Variants in CTIF observed in about 807,000 individuals in gnomAD.
The protein encoded by CTIF is cap binding complex dependent translation initiation factor, also known as CBP80/20-dependent translation initiation factor.
CTIF carries 21 observed loss-of-function variants against 66.0 expected under a neutral mutation model. That is an observed-to-expected ratio of 0.32 (90% CI 0.23 to 0.46). The LOEUF is 0.46. Ranked by LOEUF, CTIF falls within the 20% of genes least tolerant of loss-of-function variation. The probability of loss-of-function intolerance (pLI) is 1.00; values close to 1 mark genes in which losing one functional copy is unlikely to be tolerated. For synonymous variants in CTIF, 345 were observed against 326.4 expected, an observed-to-expected ratio of 1.06 and a Z score of -0.62; for missense variants, 739 against 812.7, an observed-to-expected ratio of 0.91 and a Z score of 1.10.
At chr18:48,820,717 C>A (rs2068465079) in intron 10 of CTIF, among the ~76,000 whole-genome samples, 1 of 152,194 alleles carries the variant, frequency 6.6e-6, no homozygotes, top group Non-Finnish European at 1.5e-5. Flanking sequence ...CTCACTCCAT[C>A]CCCTGCGTCT....
intron 3 of CTIF, among the ~76,000 whole-genome samples, chr18:48,655,127 AAATAAT>A (rs536589724): frequency 8.9e-4 from 135 of 151,842 alleles, no homozygotes; most frequent in South Asian, 4.4e-3. Flanking sequence ...TATAATTTAA[AAATAAT>A]AATAATAATA....
rs776992974 is a variant in CTIF, at chr18:48,711,685, A to AATGATCGAAGGTAGG, written c.576_584+6dup. The AATGATCGAAGGTAGG allele has an allele frequency of 6.2e-7, 1 of 1,614,010 alleles. No homozygotes were observed. Among genetic ancestry groups the AATGATCGAAGGTAGG allele is most frequent in the East Asian group, 2.2e-5 (1 of 44,882 alleles). ...CAAGAAGCTGTTCCGCAGGAGGAGA[A>AATGATCGAAGGTAGG]ATGATCGAAGGTAGGAGAGACTTCG... On this transcript the variant is annotated stop_gained and inframe_insertion, in exon 7 of 12. Coordinates refer to ENST00000256413, the MANE Select transcript of CTIF (RefSeq NM_014772.3). LOFTEE classifies it high-confidence loss of function.
intron 7 of CTIF, among the ~76,000 whole-genome samples, chr18:48,747,122 T>A (rs8094458): frequency 6.6e-6 from 1 of 152,048 alleles, no homozygotes; most frequent in African/African-American, 2.4e-5. Context: ...GATTTTAGGA[T>A]TGCAAAGGAA....
At position 48,806,866 on chromosome 18, in the gene CTIF, G is replaced by A. The variant is rs561469597; in HGVS notation, c.1372-10355G>A. On this transcript the variant is annotated intron_variant, in intron 9 of 11. Coordinates refer to ENST00000256413, the MANE Select transcript of CTIF (RefSeq NM_014772.3). ...TGGCCGGTGCAGGAAATAGCAGTAC[G>A]TCAATAAATAGTTTTAGGCAGGAAA... 5.9e-5 allele frequency among the ~76,000 whole-genome samples: 9 copies of A among 152,302 alleles called. No individual in the cohort carries two copies. In the East Asian group the frequency reaches 7.7e-4, roughly 13 times the overall value.
chr18:48,857,522 G>A, intron 10 of CTIF, 66 bp from the exon 11 acceptor site: 1 of 1,453,938 alleles, frequency 6.9e-7, no homozygotes, highest in Non-Finnish European at 9.4e-7. Flanking sequence ...GGGGCTGCAG[G>A]GAGCTACAGG....
intron 7 of CTIF, among the ~76,000 whole-genome samples, chr18:48,734,201 C>A (rs988175908): frequency 6.6e-6 from 1 of 152,218 alleles, no homozygotes; most frequent in Admixed American, 6.5e-5. Flanking sequence ...AGTGGGGAGA[C>A]CCTCGGCTGC....
intron 7 of CTIF, among the ~76,000 whole-genome samples, chr18:48,747,194 A>G (rs1379748984): frequency 1.3e-5 from 2 of 152,218 alleles, no homozygotes; most frequent in Non-Finnish European, 2.9e-5. Context: ...CTGAGAAGCA[A>G]TATTCTTCAT....
At chr18:48,789,921 A>G (rs1047411419) in intron 9 of CTIF, among the ~76,000 whole-genome samples, 1 of 152,174 alleles carries the variant, frequency 6.6e-6, no homozygotes, top group Non-Finnish European at 1.5e-5. Context: ...CCTGGCTTTG[A>G]ATGCTGGCTT....
chr18:48,576,411 A>G (rs1041515267), intron 1 of CTIF, among the ~76,000 whole-genome samples: 13 of 152,152 alleles, frequency 8.5e-5, no homozygotes, highest in Non-Finnish European at 5.9e-5. Flanking sequence ...CCTTCTTGAG[A>G]TGGCCTTTTG....
chr18:48,798,077 T>C (rs2067968823), intron 9 of CTIF, among the ~76,000 whole-genome samples: 1 of 152,082 alleles, frequency 6.6e-6, no homozygotes, highest in Non-Finnish European at 1.5e-5. Context: ...GGTGAGGAGG[T>C]GCCAGACAGG....
intron 1 of CTIF, among the ~76,000 whole-genome samples, chr18:48,612,150 G>A (rs1303610495): frequency 6.6e-6 from 1 of 152,238 alleles, no homozygotes; most frequent in Non-Finnish European, 1.5e-5. Flanking sequence ...CACCAACATG[G>A]TTGAATTATC....
intron 1 of CTIF, among the ~76,000 whole-genome samples, chr18:48,579,502 G>A (rs2089607016): frequency 6.6e-6 from 1 of 152,152 alleles, no homozygotes. Context: ...TGTTGAAAAT[G>A]TTTTTTCCAT....
intron 1 of CTIF, among the ~76,000 whole-genome samples, chr18:48,575,351 A>C (rs1250492811): frequency 1.3e-5 from 2 of 152,190 alleles, no homozygotes. Flanking sequence ...TCTTCAACCC[A>C]CTGGGATCCA....
At chr18:48,840,864 C>A (rs899207161) in intron 10 of CTIF, among the ~76,000 whole-genome samples, 5 of 138,152 alleles carry the variant, frequency 3.6e-5, no homozygotes, top group Non-Finnish European at 6.3e-5. Context: ...GGCTTCACTC[C>A]ACCCCCACCC....
At chr18:48,647,097 T>C (rs2091053879) in intron 3 of CTIF, among the ~76,000 whole-genome samples, 1 of 152,166 alleles carries the variant, frequency 6.6e-6, no homozygotes, top group Admixed American at 6.5e-5. Flanking sequence ...AGCAGATGAA[T>C]GGTTAAACAC....
intron 1 of CTIF, among the ~76,000 whole-genome samples, chr18:48,545,810 G>A (rs2088733395): frequency 6.6e-6 from 1 of 152,132 alleles, no homozygotes; most frequent in Non-Finnish European, 1.5e-5. Flanking sequence ...GCGTAACCAC[G>A]GTGAGGGCTG....
intron 1 of CTIF, among the ~76,000 whole-genome samples, chr18:48,608,872 C>G (rs2090255660): frequency 6.6e-6 from 1 of 152,166 alleles, no homozygotes; most frequent in African/African-American, 2.4e-5. Context: ...AAGACAGATG[C>G]CAGAGAGAAC....
chr18:48,574,720 C>A (rs1156362020), intron 1 of CTIF, among the ~76,000 whole-genome samples: 2 of 152,178 alleles, frequency 1.3e-5, no homozygotes. Context: ...GAGCATCCAG[C>A]CACACACTGG....
intron 5 of CTIF, among the ~76,000 whole-genome samples, chr18:48,666,366 G>C (rs2091435448): frequency 6.6e-6 from 1 of 152,170 alleles, no homozygotes. Context: ...GGAAAGAAAT[G>C]GGCTCATTCC....
Sources: allele counts gnomAD v4.1 joint callset (sites outside exome capture counted in the v4.1 genomes callset), GRCh38; gene constraint gnomAD v4.1.1; transcripts MANE v1.5; gene names NCBI Gene and HGNC (gene_info 2026-07-23, HGNC 2026-07-21).